The following LRRC49 variants were observed in gnomAD, a reference collection of about 807,000 sequenced individuals.
LRRC49 encodes leucine-rich repeat-containing protein 49.
Under a neutral mutation model 83.3 loss-of-function variants are expected in LRRC49, and 50 were observed. The ratio of observed to expected loss-of-function variants is 0.60; its 90% CI spans 0.48 to 0.76. The LOEUF (loss-of-function observed/expected upper bound fraction) is 0.76. LRRC49 is among the 30% of genes least tolerant of loss of function. LRRC49 has a pLI of 0.00. For synonymous variants in LRRC49, 286 were observed against 283.3 expected (o/e 1.01, Z -0.10); for missense variants, 704 against 809.1 (o/e 0.87, Z 1.58).
At chr15:70,956,343 G>T (rs2036400742) in intron 8 of LRRC49, among the ~76,000 whole-genome samples, 1 of 152,076 alleles carries the variant, frequency 6.6e-6, no homozygotes, top group Non-Finnish European at 1.5e-5. Flanking sequence ...AGCAGATGTG[G>T]CAATGTGAGG....
chr15:70,925,600 G>T (rs144630692), intron 7 of LRRC49, among the ~76,000 whole-genome samples: 9 of 152,188 alleles, frequency 5.9e-5, no homozygotes, highest in African/African-American at 2.2e-4. Flanking sequence ...TCATATTGGT[G>T]CTTTCTTTGT....
intron 1 of LRRC49, among the ~76,000 whole-genome samples, chr15:70,862,959 C>T (rs1053512716): frequency 6.6e-6 from 1 of 152,116 alleles, no homozygotes; most frequent in African/African-American, 2.4e-5. Context: ...GTACACAGCA[C>T]GAGGATGCTT....
intron 2 of LRRC49, chr15:70,882,963 T>C: frequency 6.3e-7 from 1 of 1,576,998 alleles, no homozygotes; most frequent in Non-Finnish European, 8.6e-7. Flanking sequence ...TAGGATTTTA[T>C]CTTTCAAAAG....
intron 11 of LRRC49, among the ~76,000 whole-genome samples, chr15:70,990,498 T>C (rs1247309657): frequency 6.6e-6 from 1 of 152,214 alleles, no homozygotes; most frequent in African/African-American, 2.4e-5. Flanking sequence ...AAGCACAGTA[T>C]TGGGGTGGGA....
In LRRC49 at chr15:70,906,385, G is replaced by A. The variant is rs1397489024; in HGVS notation, c.500+1630G>A. ...GCTGGGATTACAGGCGTGAGCCACC[G>A]CGCCCAGCCACCCAGAGATTTCTTT... On this transcript the variant is annotated intron_variant, in intron 5 of 15. Coordinates refer to ENST00000260382, the MANE Select transcript of LRRC49 (RefSeq NM_017691.5). 6.6e-5 allele frequency among the ~76,000 whole-genome samples: 10 copies of A among 152,220 alleles called. No homozygotes were observed. In the East Asian group the frequency reaches 1.2e-3, roughly 18 times the overall value.
chr15:70,881,560 G>T (rs1239451211), intron 2 of LRRC49: 8 of 152,122 alleles, frequency 5.3e-5, no homozygotes, highest in African/African-American at 1.9e-4. Context: ...AGAAACTATT[G>T]TAACAGTTTA....
chr15:70,935,702 C>T (rs1455044229), intron 7 of LRRC49, among the ~76,000 whole-genome samples: 1 of 152,138 alleles, frequency 6.6e-6, no homozygotes, highest in African/African-American at 2.4e-5. Flanking sequence ...AGAATTACTG[C>T]AAATGATACT....
intron 8 of LRRC49, among the ~76,000 whole-genome samples, chr15:70,952,208 G>A (rs2036241606): frequency 6.6e-6 from 1 of 150,796 alleles, no homozygotes; most frequent in South Asian, 2.1e-4. Context: ...AGGGACGTTG[G>A]CATGAAGCTT....
chr15:70,923,600 C>G (rs1018881250), intron 7 of LRRC49, among the ~76,000 whole-genome samples: 1 of 151,824 alleles, frequency 6.6e-6, no homozygotes, highest in African/African-American at 2.4e-5. Flanking sequence ...TAATACCAGG[C>G]TTTTCTGGTT....
At position 70,895,668 on chromosome 15, in the gene LRRC49, C is replaced by G. The variant is rs370378998; in HGVS notation, c.106-181C>G. On this transcript the variant is annotated intron_variant, in intron 2 of 15. Transcript: ENST00000260382. ...GCCTGGAAGCCACAAATATGCTTTCCATCTCTATGGATTTGCCAATGTGGT... is the reference window on the plus strand; with the variant it reads ...GCCTGGAAGCCACAAATATGCTTTCGATCTCTATGGATTTGCCAATGTGGT... 9 of 502,704 alleles carry G rather than the reference C, an allele frequency of 1.8e-5. No homozygotes were observed. In the East Asian group the frequency reaches 2.7e-4, roughly 15 times the overall value. 31.1% of individuals were successfully genotyped at this position (502,704 alleles called of 1,614,324 possible).
intron 5 of LRRC49, among the ~76,000 whole-genome samples, 181 bp downstream of exon 5, chr15:70,904,936 AT>A (rs1467163502): frequency 6.6e-6 from 1 of 152,188 alleles, no homozygotes. Flanking sequence ...CAGTATGACA[AT>A]TTGTCACACC....
At chr15:70,920,983 T>C (rs544838737) in intron 7 of LRRC49, among the ~76,000 whole-genome samples, 14 of 152,290 alleles carry the variant, frequency 9.2e-5, no homozygotes, top group Non-Finnish European at 1.8e-4. Context: ...ACCACACTTA[T>C]TCTTCTTGCT....
chr15:70,984,172 A>C lies in LRRC49; in HGVS notation c.1084A>C (p.Asn362His). 1 of 1,613,424 alleles carries C rather than the reference A, an allele frequency of 6.2e-7. No individual in the cohort carries two copies. Among genetic ancestry groups the C allele is most frequent in the Non-Finnish European group, 8.5e-7 (1 of 1,179,528 alleles). The change falls in exon 11 of 16, where the codon AAT (asparagine) becomes CAT (histidine). Residue 362 changes from asparagine (N) to histidine (H), a missense_variant. By Grantham distance (68) the Asn-to-His change is moderately conservative. This residue lies in a region of LRRC49 where 168 missense variants were observed against 140.6 expected (regional missense o/e 1.20). Transcript: ENST00000260382. ...QQQRVANIATNEDRKDSDSPQ... is the reference protein window; with the variant it reads ...QQQRVANIATHEDRKDSDSPQ... ...ACAACGAGTAGCCAATATTGCTACA[A>C]ATGAAGATAGAAAAGATTCTGACTC... is the stretch of plus-strand genomic sequence containing the variant.
At chr15:70,877,335 G>T (rs959599176) in intron 2 of LRRC49, among the ~76,000 whole-genome samples, 4 of 151,940 alleles carry the variant, frequency 2.6e-5, no homozygotes, top group Admixed American at 2.6e-4. Context: ...ATTTCCTTGC[G>T]TACTTTTGCA....
intron 7 of LRRC49, among the ~76,000 whole-genome samples, chr15:70,932,468 C>G (rs1435750130): frequency 6.6e-6 from 1 of 152,062 alleles, no homozygotes; most frequent in Non-Finnish European, 1.5e-5. Flanking sequence ...ATAATTACCC[C>G]TATATATTTT....
intron 6 of LRRC49, among the ~76,000 whole-genome samples, chr15:70,917,234 G>A (rs935655192): frequency 6.6e-6 from 1 of 152,236 alleles, no homozygotes; most frequent in Non-Finnish European, 1.5e-5. Context: ...GCAGCAGGAA[G>A]CAGACAGTTG....
chr15:70,978,378 A>T (rs1052078781), intron 9 of LRRC49, among the ~76,000 whole-genome samples: 3 of 152,210 alleles, frequency 2.0e-5, no homozygotes, highest in African/African-American at 7.2e-5. Context: ...TAGTTGTATC[A>T]TACATTGTCT....
intron 15 of LRRC49, among the ~76,000 whole-genome samples, chr15:71,047,395 C>A (rs911532144): frequency 3.9e-5 from 6 of 152,158 alleles, no homozygotes; most frequent in Admixed American, 2.0e-4. Context: ...TTGTAGAGGT[C>A]TTTCACCTTC....
At chr15:70,932,879 G>A (rs181418986) in intron 7 of LRRC49, among the ~76,000 whole-genome samples, 96 of 151,950 alleles carry the variant, frequency 6.3e-4, no homozygotes, top group Admixed American at 9.8e-4. Context: ...ATAGGCACAC[G>A]CCTCCGTGCC....
Sources: allele counts gnomAD v4.1 joint callset (sites outside exome capture counted in the v4.1 genomes callset), GRCh38; gene constraint gnomAD v4.1.1; regional missense constraint gnomAD v4.1.1; transcripts MANE v1.5; gene names NCBI Gene and HGNC (gene_info 2026-07-23, HGNC 2026-07-21).